DAG1: variants seen among roughly 807,000 people sequenced by gnomAD.
DAG1 encodes dystroglycan 1 (dystrophin-associated glycoprotein 1).
DAG1 carries 8 observed loss-of-function variants against 46.1 expected under a neutral mutation model. The ratio of observed to expected loss-of-function variants is 0.17; its 90% CI spans 0.10 to 0.31. The LOEUF is 0.31. Ranked by LOEUF, DAG1 falls within the 10% of genes least tolerant of loss-of-function variation. The pLI, the probability that DAG1 is intolerant of heterozygous loss-of-function variation, is 1.00. For missense variants in DAG1, 1,003 were observed against 1,189.9 expected (o/e 0.84, Z 2.31); for synonymous variants, 495 against 481.8 (o/e 1.03, Z -0.36).
intron 2 of DAG1, among the ~76,000 whole-genome samples, chr3:49,523,086 C>G (rs1193989403): frequency 6.7e-6 from 1 of 149,554 alleles, no homozygotes; most frequent in Non-Finnish European, 1.5e-5. Flanking sequence ...CTCAGAGCCC[C>G]AATTCCTGCC....
At chr3:49,507,761 G>A (rs1313766372) in intron 1 of DAG1, among the ~76,000 whole-genome samples, 1 of 151,592 alleles carries the variant, frequency 6.6e-6, no homozygotes. Context: ...GAACTGCTGG[G>A]CTCAAGCCAA....
intron 2 of DAG1, among the ~76,000 whole-genome samples, chr3:49,525,424 C>A (rs944169875): frequency 2.6e-5 from 4 of 152,164 alleles, no homozygotes; most frequent in African/African-American, 9.7e-5. Context: ...GTTCTGCAGG[C>A]TATACAGGGA....
rs2050725985 is a variant in DAG1 at position 49,510,264 on chromosome 3, TG to T, written c.-116-154del. The T allele has an allele frequency of 1.2e-5, 7 of 569,748 alleles. No individual in the cohort carries two copies. In the East Asian group the frequency reaches 1.9e-4, roughly 16 times the overall value. 35.3% of individuals were successfully genotyped at this position (569,748 alleles called of 1,614,324 possible). A position where few individuals can be genotyped will look rare whatever the true frequency, so the allele number is the denominator to read the frequency against. On this transcript the variant is annotated intron_variant, in intron 1 of 2. Transcript: ENST00000308775. ...AGCTACATTTCCAGTGCTAAGGAGT[TG>T]CACGAAACTGTTGGTTTCTGTATAA...
At chr3:49,505,692 A>G (rs1224892862) in intron 1 of DAG1, among the ~76,000 whole-genome samples, 1 of 151,746 alleles carries the variant, frequency 6.6e-6, no homozygotes, top group Non-Finnish European at 1.5e-5. Context: ...TTTTTTTGAG[A>G]CGGAGTTTCG....
intron 1 of DAG1, among the ~76,000 whole-genome samples, chr3:49,497,783 C>T (rs537665083): frequency 5.3e-5 from 8 of 152,302 alleles, no homozygotes; most frequent in Non-Finnish European, 8.8e-5. Flanking sequence ...AGCCCCATTA[C>T]GTACCATGTT....
chr3:49,526,239 C>T (rs2051167903), intron 2 of DAG1, among the ~76,000 whole-genome samples: 1 of 152,318 alleles, frequency 6.6e-6, no homozygotes, highest in Admixed American at 6.5e-5. Flanking sequence ...TGAGAAATCA[C>T]CCCCATGATC....
chr3:49,532,441 A>G lies in DAG1; in HGVS notation c.1930A>G (p.Thr644Ala). 1.2e-6 allele frequency: 2 copies of G among 1,614,218 alleles called. No homozygotes were observed. Among genetic ancestry groups the G allele is most frequent in the Non-Finnish European group, 1.7e-6 (2 of 1,180,040 alleles). The change falls in exon 3 of 3, where the codon ACC becomes GCC. Residue 644 changes from threonine to alanine, a missense_variant. Physicochemically the swap from Thr to Ala is moderately conservative, Grantham distance 58. Transcript: ENST00000308775. This position sits in a 1 kb window ranked among gnomAD's most constrained non-coding sequence, Gnocchi z 5.4. ...CGCCTTTGGAGACCGAAACTGTAGC[A>G]CCATCACCCTGCAGAATATCACCCG... ...AFAFGDRNCS[T>A]ITLQNITRGS... is the part of the protein sequence containing the mutation.
rs557558183 is a variant in DAG1 at position 49,528,885 on chromosome 3, C to G, written c.286-1912C>G. On this transcript the variant is annotated intron_variant, in intron 2 of 2. Coordinates refer to ENST00000308775, the MANE Select transcript of DAG1 (RefSeq NM_004393.6). ...TTTTTTTCTGAGATGGAGTCTCACT[C>G]TGTCACCCAGGCTGGGTTGCAGTGG... 2.9e-4 allele frequency among the ~76,000 whole-genome samples: 43 copies of G among 149,568 alleles called. No homozygotes were observed. The South Asian group carries it at 8.9e-3, about 31-fold the overall frequency.
At position 49,532,107 on chromosome 3, in the gene DAG1, C is replaced by T. The variant is rs1235951807; in HGVS notation, c.1596C>T (p.Asp532=). The T allele has an allele frequency of 1.2e-6, 2 of 1,614,234 alleles. No individual in the cohort carries two copies. The highest frequency in any genetic ancestry group is 1.7e-6 in the Non-Finnish European group (2 of 1,180,036). ...ATGACCATGAGGACACCACCACTGA[C>T]AAGCTGAAGCTGACCCTGAAACTGC... ...TFYDHEDTTT[D]KLKLTLKLRE... is the part of the protein sequence containing the mutation. The change falls in exon 3 of 3, where the codon GAC becomes GAT. Residue 532 remains aspartate (D), a synonymous_variant. Transcript: ENST00000308775. This position sits in a 1 kb window ranked among gnomAD's most constrained non-coding sequence, Gnocchi z 5.4.
chr3:49,489,602 A>C (rs780224584), intron 1 of DAG1, among the ~76,000 whole-genome samples: 1 of 152,060 alleles, frequency 6.6e-6, no homozygotes, highest in Non-Finnish European at 1.5e-5. Context: ...GGTTCCTGGG[A>C]AGGGAAGATA....
intron 2 of DAG1, among the ~76,000 whole-genome samples, chr3:49,516,763 A>G (rs2050907983): frequency 6.6e-6 from 1 of 152,076 alleles, no homozygotes; most frequent in Non-Finnish European, 1.5e-5. Context: ...ACCCTCCCTC[A>G]GCCATTTCTT....
intron 1 of DAG1, among the ~76,000 whole-genome samples, chr3:49,500,213 A>G (rs556697031): frequency 6.6e-6 from 1 of 152,090 alleles, no homozygotes; most frequent in Non-Finnish European, 1.5e-5. Context: ...GGGTTTCACC[A>G]TGTTGGCCGG....
chr3:49,510,473 G>C lies in DAG1; in HGVS notation c.-62G>C. 6.4e-7 allele frequency: 1 copy of C among 1,561,174 alleles called. No individual in the cohort carries two copies. The highest frequency in any genetic ancestry group is 1.1e-5 in the South Asian group (1 of 90,142). The stretch of plus-strand genomic sequence containing the variant: ...TGCAGAGGGTGAGAACCCAGCTCTG[G>C]GACCAAGTCACTTGCTTCCTTACTT... On this transcript the variant is annotated 5_prime_UTR_variant, in exon 2 of 3. Coordinates refer to ENST00000308775, the MANE Select transcript of DAG1 (RefSeq NM_004393.6).
chr3:49,515,271 A>ATTTT (rs36072165), intron 2 of DAG1, among the ~76,000 whole-genome samples: 1 of 129,160 alleles, frequency 7.7e-6, no homozygotes. Flanking sequence ...TCCCGGGCCT[A>ATTTT]TTTTTTTTTT....
chr3:49,486,649 T>C (rs1273193925), intron 1 of DAG1, among the ~76,000 whole-genome samples: 1 of 151,938 alleles, frequency 6.6e-6, no homozygotes. Flanking sequence ...ATTACAGGTG[T>C]GCATCACCAC....
intron 1 of DAG1, among the ~76,000 whole-genome samples, chr3:49,496,360 T>C (rs2050309278): frequency 7.0e-6 from 1 of 142,400 alleles, no homozygotes; most frequent in South Asian, 2.3e-4. Context: ...TAACTTTTTT[T>C]TTTTTTTTTT....
chr3:49,473,428 A>C (rs551305827), intron 1 of DAG1, among the ~76,000 whole-genome samples: 2 of 151,416 alleles, frequency 1.3e-5, no homozygotes, highest in African/African-American at 2.4e-5. Flanking sequence ...TCTCAAAACA[A>C]AAAAAAAACA....
chr3:49,482,021 C>T (rs2049894999), intron 1 of DAG1, among the ~76,000 whole-genome samples: 1 of 152,028 alleles, frequency 6.6e-6, no homozygotes, highest in Non-Finnish European at 1.5e-5. Context: ...ATTTTCATAC[C>T]ATTTACATTG....
At chr3:49,502,223 TGAG>T (rs1460308085) in intron 1 of DAG1, among the ~76,000 whole-genome samples, 1 of 152,248 alleles carries the variant, frequency 6.6e-6, no homozygotes, top group African/African-American at 2.4e-5. Context: ...TATAGAGATC[TGAG>T]GAGAAGACCC....
Sources: allele counts gnomAD v4.1 joint callset (sites outside exome capture counted in the v4.1 genomes callset), GRCh38; gene constraint gnomAD v4.1.1; non-coding constraint Gnocchi (gnomAD v3.1); transcripts MANE v1.5; gene names NCBI Gene and HGNC (gene_info 2026-07-23, HGNC 2026-07-21).